PIGN: variants seen among roughly 807,000 people sequenced by gnomAD.
PIGN encodes phosphatidylinositol glycan anchor biosynthesis class N.
In PIGN, 117 loss-of-function variants were observed where a neutral mutation model predicts 125.4. That is an observed-to-expected ratio of 0.93 (90% confidence interval 0.80 to 1.09). The LOEUF (loss-of-function observed/expected upper bound fraction) is 1.09. Ranked by LOEUF, PIGN falls within the 50% of genes least tolerant of loss-of-function variation. The pLI, the probability that PIGN is intolerant of heterozygous loss-of-function variation, is 0.00. For synonymous variants in PIGN, 392 were observed against 377.8 expected (o/e 1.04, Z -0.44); for missense variants, 1,075 against 1,094.9 (o/e 0.98, Z 0.26).
chr18:62,164,802 G>A (rs115539143), intron 1 of PIGN, among the ~76,000 whole-genome samples: 1 of 152,166 alleles, frequency 6.6e-6, no homozygotes, highest in African/African-American at 2.4e-5. Context: ...AGATTGTAGT[G>A]GGTAAAGAAA....
intron 23 of PIGN, among the ~76,000 whole-genome samples, chr18:62,021,574 C>G (rs1214707327): frequency 1.3e-5 from 2 of 152,264 alleles, no homozygotes; most frequent in South Asian, 4.1e-4. Flanking sequence ...ATTCAGAAAC[C>G]CTGACTTTGC....
chr18:62,144,193 T>A (rs2036237957), intron 10 of PIGN, among the ~76,000 whole-genome samples: 1 of 152,208 alleles, frequency 6.6e-6, no homozygotes, highest in African/African-American at 2.4e-5. Flanking sequence ...AAACGTCAAT[T>A]CAACATGAAA....
chr18:62,175,607 C>G (rs1386179897), intron 1 of PIGN, among the ~76,000 whole-genome samples: 7 of 152,144 alleles, frequency 4.6e-5, no homozygotes, highest in Admixed American at 4.6e-4. Context: ...CCACCTTGGG[C>G]TCCCAAAGTG....
rs185192220 is a variant in PIGN, at chr18:62,029,164, G to A, written c.2143-11423C>T. On this transcript the variant is annotated intron_variant, in intron 23 of 24. Coordinates refer to the PIGN transcript ENST00000639600. ...AAGGGACAGGAAAGAGTGGGAGGAA[G>A]ATGCTTTGGATGAAGAAGAAGGACT... Among the ~76,000 whole-genome samples, 5 of 152,152 alleles carry A rather than the reference G, an allele frequency of 3.3e-5. No homozygotes were observed. The South Asian group carries it at 1.0e-3, about 32-fold the overall frequency.
At chr18:62,018,734 G>A (rs772307419) in intron 23 of PIGN, among the ~76,000 whole-genome samples, 7 of 152,166 alleles carry the variant, frequency 4.6e-5, no homozygotes, top group African/African-American at 7.2e-5. Flanking sequence ...TGGGTGGCAA[G>A]CCCGAGGTTC....
intron 16 of PIGN, among the ~76,000 whole-genome samples, chr18:62,111,465 C>G (rs1402739933): frequency 1.3e-5 from 2 of 152,194 alleles, no homozygotes. Flanking sequence ...AGTCAGCTCT[C>G]ATATTTAAAA....
chr18:62,102,132 C>T (rs1199862148), intron 21 of PIGN, among the ~76,000 whole-genome samples: 1 of 151,584 alleles, frequency 6.6e-6, no homozygotes, highest in East Asian at 2.0e-4. Context: ...GAAGCTGAGG[C>T]AGGAGAATCA....
At chr18:62,040,702 A>C (rs17069365), downstream of PIGN, among the ~76,000 whole-genome samples, 45,908 of 152,116 alleles carry the variant, frequency 0.3, 8,078 homozygotes, top group East Asian at 0.58. Flanking sequence ...ATGGTTTCTA[A>C]CTTTAAGAAT....
intron 14 of PIGN, among the ~76,000 whole-genome samples, chr18:62,126,499 T>C (rs532035392): frequency 6.6e-6 from 1 of 152,188 alleles, no homozygotes; most frequent in Non-Finnish European, 1.5e-5. Flanking sequence ...AATGCTTATA[T>C]GTGCTTAAAA....
chr18:62,112,999 T>C (rs2034938769), intron 16 of PIGN, 135 bp downstream of exon 16: 3 of 640,130 alleles, frequency 4.7e-6, no homozygotes. Flanking sequence ...AAAAATCCAA[T>C]ACAATAAAAG....
intron 14 of PIGN, 129 bp from the exon 15 acceptor site, chr18:62,114,768 A>T (rs1279050206): frequency 6.1e-6 from 3 of 493,550 alleles, no homozygotes; most frequent in Non-Finnish European, 1.1e-5. Flanking sequence ...AATCAAAGAA[A>T]AAAACCTGAA....
intron 20 of PIGN, among the ~76,000 whole-genome samples, chr18:62,104,693 A>G (rs922252745): frequency 4.6e-4 from 70 of 152,186 alleles, no homozygotes; most frequent in African/African-American, 1.6e-3. Context: ...ATATTTTTAC[A>G]AAATAGTATT....
At chr18:62,126,035 AC>A (rs1422462224) in intron 14 of PIGN, among the ~76,000 whole-genome samples, 6 of 152,096 alleles carry the variant, frequency 3.9e-5, no homozygotes, top group Non-Finnish European at 8.8e-5. Context: ...ATAACAGTTT[AC>A]AATTAAAACA....
intron 30 of PIGN, chr18:62,070,475 T>C (rs1274237816): frequency 2.5e-6 from 1 of 398,308 alleles, no homozygotes; most frequent in African/African-American, 2.1e-5. Flanking sequence ...GATATGTACA[T>C]AAATAACCAG....
At chr18:62,182,724 T>C in intron 1 of PIGN, among the ~76,000 whole-genome samples, 1 of 152,218 alleles carries the variant, frequency 6.6e-6, no homozygotes, top group South Asian at 2.1e-4. Context: ...TTACCCCTTG[T>C]ATAAAACTCT....
chr18:62,137,214 A>C (rs982292584), intron 14 of PIGN: 3 of 400,320 alleles, frequency 7.5e-6, no homozygotes. Context: ...TGAACATCAG[A>C]CTCCGAATTC....
At chr18:62,102,763 T>C in intron 21 of PIGN, 31 bp downstream of exon 21, 1 of 980,398 alleles carries the variant, frequency 1.0e-6, no homozygotes, top group South Asian at 1.5e-5. Context: ...ATATCATTAG[T>C]ATAACATAGT....
intron 30 of PIGN, among the ~76,000 whole-genome samples, chr18:62,060,484 G>A (rs2032051935): frequency 6.6e-6 from 1 of 152,138 alleles, no homozygotes; most frequent in Non-Finnish European, 1.5e-5. Flanking sequence ...AGAATCATTG[G>A]TTTTAATAAA....
intron 6 of PIGN, among the ~76,000 whole-genome samples, chr18:62,156,679 C>G (rs747421041): frequency 1.3e-5 from 2 of 152,078 alleles, no homozygotes; most frequent in Non-Finnish European, 2.9e-5. Flanking sequence ...AAATAATTTA[C>G]CAAAGTATAA....
Sources: allele counts gnomAD v4.1 joint callset (sites outside exome capture counted in the v4.1 genomes callset), GRCh38; gene constraint gnomAD v4.1.1; transcripts MANE v1.5; gene names NCBI Gene and HGNC (gene_info 2026-07-23, HGNC 2026-07-21).